The following DNAH14 variants were observed in gnomAD, a reference collection of about 807,000 sequenced individuals.
DNAH14 encodes dynein axonemal heavy chain 14, also known as axonemal beta dynein heavy chain 14.
A neutral mutation model predicts 520.9 loss-of-function variants in DNAH14; 478 were observed. That is an observed-to-expected ratio of 0.92 (90% CI 0.85 to 0.99). DNAH14 has a LOEUF of 0.99. DNAH14 is among the 50% of genes least tolerant of loss of function. The pLI is 0.00. For missense variants in DNAH14, 4,831 were observed against 5,234.5 expected, an observed-to-expected ratio of 0.92 and a Z score of 2.38; for synonymous variants, 1,581 against 1,757.2, an observed-to-expected ratio of 0.90 and a Z score of 2.51.
At chr1:225,318,937 G>A (rs1439032247) in intron 61 of DNAH14, among the ~76,000 whole-genome samples, 5 of 152,138 alleles carry the variant, frequency 3.3e-5, no homozygotes, top group Non-Finnish European at 7.3e-5. Flanking sequence ...AATGCTGCCA[G>A]TTACACTGTG....
At chr1:225,263,115 TAAG>T (rs1186409446) in intron 46 of DNAH14, among the ~76,000 whole-genome samples, 1 of 151,720 alleles carries the variant, frequency 6.6e-6, no homozygotes, top group Non-Finnish European at 1.5e-5. Context: ...TTGAATTACA[TAAG>T]AAGATGGAAT....
chr1:225,078,436 T>C (rs1451903893), intron 17 of DNAH14, among the ~76,000 whole-genome samples: 3 of 152,330 alleles, frequency 2.0e-5, no homozygotes, highest in East Asian at 1.9e-4. Context: ...TTCTTGAAAA[T>C]TGTTATTCAT....
chr1:225,395,478 G>T (rs932540612), intron 84 of DNAH14, among the ~76,000 whole-genome samples: 1 of 151,764 alleles, frequency 6.6e-6, no homozygotes, highest in Non-Finnish European at 1.5e-5. Context: ...TGTAGTCCCA[G>T]CTACTCGAGA....
intron 8 of DNAH14, among the ~76,000 whole-genome samples, chr1:224,974,895 G>A (rs978941936): frequency 4.6e-5 from 7 of 152,096 alleles, no homozygotes; most frequent in African/African-American, 9.6e-5. Context: ...TTTGAGATAC[G>A]TCCTATCAAT....
intron 78 of DNAH14, among the ~76,000 whole-genome samples, chr1:225,375,715 T>C (rs1047266615): frequency 2.0e-5 from 3 of 151,868 alleles, no homozygotes; most frequent in African/African-American, 7.3e-5. Flanking sequence ...ATATCCTTTA[T>C]GCACTATTTG....
chr1:225,392,190 C>G, intron 83 of DNAH14, 101 bp from the exon 84 acceptor site: 1 of 1,365,258 alleles, frequency 7.3e-7, no homozygotes, highest in Non-Finnish European at 9.9e-7. Context: ...TCTTTTTCCT[C>G]CACTCTTCCC....
intron 55 of DNAH14, among the ~76,000 whole-genome samples, chr1:225,290,633 G>A (rs1385656883): frequency 5.4e-5 from 2 of 37,166 alleles, no homozygotes; most frequent in South Asian, 1.1e-3. Context: ...ATAGATATAT[G>A]TGTGTGTGTG....
intron 80 of DNAH14, among the ~76,000 whole-genome samples, chr1:225,380,766 CA>C (rs2095770056): frequency 6.6e-6 from 1 of 152,194 alleles, no homozygotes; most frequent in Admixed American, 6.5e-5. Flanking sequence ...GAGATGACTC[CA>C]AACCCAGCTC....
chr1:225,212,238 T>C (rs2088555334), intron 41 of DNAH14, among the ~76,000 whole-genome samples: 1 of 151,964 alleles, frequency 6.6e-6, no homozygotes, highest in Admixed American at 6.6e-5. Context: ...CATGAACTCA[T>C]CCTTTTTTAT....
intron 61 of DNAH14, 150 bp from the exon 62 acceptor site, chr1:225,322,514 A>G (rs539671447): frequency 1.5e-6 from 1 of 683,262 alleles, no homozygotes; most frequent in East Asian, 3.0e-5. Flanking sequence ...TTTAAAAGAT[A>G]CCTAAGTAAT....
At chr1:225,032,632 T>C (rs1295798358) in intron 11 of DNAH14, among the ~76,000 whole-genome samples, 1 of 152,166 alleles carries the variant, frequency 6.6e-6, no homozygotes, top group Admixed American at 6.5e-5. Flanking sequence ...GTAGTTCTCC[T>C]TTTAGCTCTT....
At chr1:224,967,776 G>C in intron 6 of DNAH14, 193 bp downstream of exon 6, 1 of 1,460,876 alleles carries the variant, frequency 6.8e-7, no homozygotes, top group Non-Finnish European at 9.0e-7. Context: ...AGAGATTTAG[G>C]TTTGAAGATT....
At chr1:225,058,724 T>A (rs763238592) in intron 17 of DNAH14, among the ~76,000 whole-genome samples, 11 of 152,238 alleles carry the variant, frequency 7.2e-5, no homozygotes, top group Admixed American at 3.3e-4. Context: ...GATTCTGGTA[T>A]GTTATGTCTT....
chr1:225,328,617 T>G (rs2094727488), intron 64 of DNAH14, among the ~76,000 whole-genome samples: 1 of 139,316 alleles, frequency 7.2e-6, no homozygotes. Flanking sequence ...ATAAAAAATA[T>G]TTCTGGAAAA....
At chr1:225,071,784 A>G (rs2071575691) in intron 17 of DNAH14, among the ~76,000 whole-genome samples, 1 of 152,226 alleles carries the variant, frequency 6.6e-6, no homozygotes. Flanking sequence ...GAGAAGTGCC[A>G]AACAAAAGGC....
At chr1:225,270,968 AG>A in intron 50 of DNAH14, 102 bp downstream of exon 50, 1 of 1,226,188 alleles carries the variant, frequency 8.2e-7, no homozygotes, top group Non-Finnish European at 1.1e-6. Flanking sequence ...AATTACTTTA[AG>A]GGGATAGATT....
chr1:225,120,959 C>T (rs2077240926), intron 26 of DNAH14, among the ~76,000 whole-genome samples: 2 of 152,018 alleles, frequency 1.3e-5, no homozygotes, highest in African/African-American at 2.4e-5. Context: ...TATTTAACAT[C>T]GAAAAGTACA....
At chr1:225,028,362 A>T (rs1027980120) in intron 11 of DNAH14, among the ~76,000 whole-genome samples, 1 of 152,002 alleles carries the variant, frequency 6.6e-6, no homozygotes, top group African/African-American at 2.4e-5. Flanking sequence ...TTGGTAATTT[A>T]TGTCTTTCTA....
At chr1:225,015,115 T>G (rs988587007) in intron 10 of DNAH14, among the ~76,000 whole-genome samples, 2 of 152,188 alleles carry the variant, frequency 1.3e-5, no homozygotes, top group Admixed American at 1.3e-4. Context: ...CATAGACACT[T>G]CTGCTTGATT....
Sources: gnomAD v4.1 joint callset for allele counts (sites outside exome capture counted in the v4.1 genomes callset) on GRCh38, gnomAD v4.1.1 for gene constraint, MANE v1.5 for transcripts, NCBI Gene and HGNC (gene_info 2026-07-23, HGNC 2026-07-21) for gene names.